SKIC2: variants seen among roughly 807,000 people sequenced by gnomAD.
SKIC2 encodes the protein SKI2 subunit of superkiller complex.
chr6:31,969,414 G>C, the SKIC2 span: 3 of 1,614,176 alleles, frequency 1.9e-6, no homozygotes, highest in African/African-American at 4.0e-5. This position sits in a 1 kb window ranked among gnomAD's most constrained non-coding sequence, Gnocchi z 6.1. Context: ...AGTGGGCCCG[G>C]GGCATGGTGA....
the SKIC2 span, chr6:31,959,277 C>T: frequency 1.1e-5 from 17 of 1,608,918 alleles, no homozygotes; most frequent in Non-Finnish European, 1.4e-5. Context: ...TGACCCCTGA[C>T]TTTTGACCTT....
the SKIC2 span, chr6:31,966,906 A>G: frequency 6.2e-7 from 1 of 1,613,516 alleles, no homozygotes; most frequent in Non-Finnish European, 8.5e-7. This position sits in a 1 kb window ranked among gnomAD's most constrained non-coding sequence, Gnocchi z 5.9. Context: ...CAGGCTGGGA[A>G]TAGGTAGGCA....
the SKIC2 span, chr6:31,960,286 C>T: frequency 2.5e-6 from 4 of 1,613,266 alleles, no homozygotes; most frequent in Admixed American, 1.7e-5. Context: ...TCCCATCCGA[C>T]CTACAGGCCC....
chr6:31,968,907 A>C, the SKIC2 span: 1 of 1,612,966 alleles, frequency 6.2e-7, no homozygotes, highest in Non-Finnish European at 8.5e-7. This position sits in a 1 kb window ranked among gnomAD's most constrained non-coding sequence, Gnocchi z 6.1. Flanking sequence ...CGAGGCGGGC[A>C]CTGTGAAGCT....
chr6:31,961,399 G>C, the SKIC2 span: 1 of 1,537,636 alleles, frequency 6.5e-7, no homozygotes, highest in Admixed American at 2.2e-5. Context: ...TGGTGGTTCT[G>C]TGTAGTGGAG....
the SKIC2 span, among the ~76,000 whole-genome samples, chr6:31,966,192 C>T: frequency 6.6e-6 from 1 of 152,208 alleles, no homozygotes; most frequent in African/African-American, 2.4e-5. This position sits in a 1 kb window ranked among gnomAD's most constrained non-coding sequence, Gnocchi z 5.9. Context: ...GCCTTCCAGG[C>T]TCAAGGGATC....
chr6:31,965,910 T>A, the SKIC2 span: 1 of 1,613,068 alleles, frequency 6.2e-7, no homozygotes, highest in South Asian at 1.1e-5. This position sits in a 1 kb window ranked among gnomAD's most constrained non-coding sequence, Gnocchi z 5.6. Context: ...TATGTGCAGA[T>A]GGCAGGCCGG....
chr6:31,966,910 G>A, the SKIC2 span: 3 of 1,613,426 alleles, frequency 1.9e-6, no homozygotes, highest in Non-Finnish European at 2.5e-6. This position sits in a 1 kb window ranked among gnomAD's most constrained non-coding sequence, Gnocchi z 5.9. Context: ...CTGGGAATAG[G>A]TAGGCATCCA....
At chr6:31,959,764 A>G in the SKIC2 span, 1 of 562,738 alleles carries the variant, frequency 1.8e-6, no homozygotes, top group Non-Finnish European at 3.1e-6. Context: ...CTCCAATTTC[A>G]GTGTGCTTCA....
the SKIC2 span, among the ~76,000 whole-genome samples, chr6:31,965,426 C>G: frequency 6.6e-6 from 1 of 152,064 alleles, no homozygotes; most frequent in Non-Finnish European, 1.5e-5. This position sits in a 1 kb window ranked among gnomAD's most constrained non-coding sequence, Gnocchi z 5.6. Context: ...AAAAAAAAAT[C>G]AGATATATAA....
At chr6:31,963,496 G>C in the SKIC2 span, 1 of 1,611,600 alleles carries the variant, frequency 6.2e-7, no homozygotes, top group South Asian at 1.1e-5. This position sits in a 1 kb window ranked among gnomAD's most constrained non-coding sequence, Gnocchi z 5.3. Flanking sequence ...ACAGGGAACA[G>C]CTCCAAGACC....
the SKIC2 span, chr6:31,964,489 C>T: frequency 3.1e-6 from 2 of 646,708 alleles, no homozygotes; most frequent in African/African-American, 3.6e-5. The surrounding 1 kb of genome is among the most constrained non-coding windows in gnomAD (Gnocchi z 5.0). Flanking sequence ...GTTTGAATCC[C>T]AGGTACACCA....
the SKIC2 span, chr6:31,967,730 A>G: frequency 5.6e-6 from 9 of 1,612,712 alleles, no homozygotes. The surrounding 1 kb of genome is among the most constrained non-coding windows in gnomAD (Gnocchi z 4.9). Context: ...CTCGAACTCC[A>G]CCAGCAGAGT....
At chr6:31,963,082 A>C in the SKIC2 span, 1 of 1,610,870 alleles carries the variant, frequency 6.2e-7, no homozygotes, top group Non-Finnish European at 8.5e-7. The surrounding 1 kb of genome is among the most constrained non-coding windows in gnomAD (Gnocchi z 5.3). Flanking sequence ...GAGTTTGCTG[A>C]CTGGATTGGG....
the SKIC2 span, chr6:31,963,010 T>G: frequency 5.0e-6 from 8 of 1,612,446 alleles, no homozygotes; most frequent in Non-Finnish European, 6.8e-6. The surrounding 1 kb of genome is among the most constrained non-coding windows in gnomAD (Gnocchi z 5.3). Flanking sequence ...GAGGAGGTGC[T>G]TATCATGCTA....
At chr6:31,968,529 T>A in the SKIC2 span, 1 of 1,612,586 alleles carries the variant, frequency 6.2e-7, no homozygotes, top group Non-Finnish European at 8.5e-7. The surrounding 1 kb of genome is among the most constrained non-coding windows in gnomAD (Gnocchi z 6.1). Context: ...GCCCCCGTTT[T>A]CCTGCCCAGG....
the SKIC2 span, chr6:31,967,516 TC>T: frequency 1.3e-6 from 1 of 793,374 alleles, no homozygotes; most frequent in Non-Finnish European, 2.1e-6. The surrounding 1 kb of genome is among the most constrained non-coding windows in gnomAD (Gnocchi z 4.9). Context: ...CCCTCTCCCT[TC>T]CCATCACCAC....
the SKIC2 span, chr6:31,968,296 A>ACCCCAGATCTTAAGATCTGC: frequency 6.4e-7 from 1 of 1,552,470 alleles, no homozygotes; most frequent in East Asian, 2.2e-5. This position sits in a 1 kb window ranked among gnomAD's most constrained non-coding sequence, Gnocchi z 6.1. Flanking sequence ...AGAAGATCTT[A>ACCCCAGATCTTAAGATCTGC]CCCCAGATCT....
chr6:31,968,714 T>C, the SKIC2 span: 1 of 1,612,866 alleles, frequency 6.2e-7, no homozygotes, highest in African/African-American at 1.3e-5. The surrounding 1 kb of genome is among the most constrained non-coding windows in gnomAD (Gnocchi z 6.1). Flanking sequence ...CGAATGCAGA[T>C]ACAGAAGGAG....
Sources: allele counts gnomAD v4.1 joint callset (sites outside exome capture counted in the v4.1 genomes callset), GRCh38; gene constraint gnomAD v4.1.1; non-coding constraint Gnocchi (gnomAD v3.1); transcripts MANE v1.5; gene names NCBI Gene and HGNC (gene_info 2026-07-23, HGNC 2026-07-21).